The following SYNJ2 variants were observed in gnomAD, a reference collection of about 807,000 sequenced individuals.
The protein encoded by SYNJ2 is polyphosphatidylinositol phosphatase SYNJ2.
A neutral mutation model predicts 141.3 loss-of-function variants in SYNJ2; 116 were observed. The observed-to-expected ratio is 0.82, with a 90% CI of 0.71 to 0.96. The LOEUF is 0.96. SYNJ2 is among the 40% of genes least tolerant of loss of function. The pLI is 0.00. For synonymous variants in SYNJ2, 745 were observed against 777.7 expected, an observed-to-expected ratio of 0.96 and a Z score of 0.70; for missense variants, 1,873 against 1,934.8, an observed-to-expected ratio of 0.97 and a Z score of 0.60.
intron 1 of SYNJ2, among the ~76,000 whole-genome samples, chr6:158,007,494 A>G (rs893598195): frequency 1.3e-5 from 2 of 152,224 alleles, no homozygotes; most frequent in African/African-American, 2.4e-5. Flanking sequence ...GGCAATGAAC[A>G]TGGCATCATC....
rs141254303 is a variant in SYNJ2, at chr6:158,097,309, G to T, written c.*945G>T. ...AGCTTCGGGATGGAAAGTGCTATGT[G>T]TCCCTGCATATAAGAATCACCAGGC... On this transcript the variant is annotated 3_prime_UTR_variant, in exon 27 of 27. Transcript: ENST00000355585. The T allele has an allele frequency of 1.3e-5, 2 of 152,196 alleles. No homozygotes were observed. Among genetic ancestry groups the T allele is most frequent in the Non-Finnish European group, 2.9e-5 (2 of 68,046 alleles). 9.4% of individuals were successfully genotyped at this position (152,196 alleles called of 1,614,324 possible).
At chr6:158,059,525 G>A (rs987389784) in intron 7 of SYNJ2, 172 bp downstream of exon 7, 59 of 1,405,252 alleles carry the variant, frequency 4.2e-5, no homozygotes, top group Non-Finnish European at 4.8e-5. Context: ...TCAGTGACTC[G>A]GGCCCTGATA....
chr6:158,093,231 C>A, intron 26 of SYNJ2, 127 bp downstream of exon 26: 1 of 1,012,610 alleles, frequency 9.9e-7, no homozygotes, highest in Non-Finnish European at 1.4e-6. Context: ...GTCAGGAGTT[C>A]AAGACCAGCC....
At chr6:158,055,649 TA>T (rs1306401494) in intron 6 of SYNJ2, among the ~76,000 whole-genome samples, 1 of 152,218 alleles carries the variant, frequency 6.6e-6, no homozygotes, top group Non-Finnish European at 1.5e-5. Context: ...AAGATTTGCT[TA>T]TTTAATCTAA....
intron 21 of SYNJ2, 109 bp downstream of exon 21, chr6:158,083,706 G>C (rs1444685763): frequency 7.2e-7 from 1 of 1,398,366 alleles, no homozygotes; most frequent in East Asian, 2.3e-5. Context: ...GAGGACACCC[G>C]CAGGGCAAGC....
rs1486738661 is a variant in SYNJ2, at chr6:158,027,840, G to A, written c.215-916G>A. 1.3e-5 allele frequency: 2 copies of A among 152,348 alleles called. No individual in the cohort carries two copies. Among genetic ancestry groups the A allele is most frequent in the African/African-American group, 2.4e-5 (1 of 41,164 alleles). 9.4% of individuals were successfully genotyped at this position (152,348 alleles called of 1,614,324 possible). The stretch of plus-strand genomic sequence containing the variant: ...CCAAGTTGGCCCAGAAGGATGAGGA[G>A]GAGTTCTTCTGGTGAAGTGGGGAGG... On this transcript the variant is annotated intron_variant, in intron 2 of 26. Coordinates refer to ENST00000355585, the MANE Select transcript of SYNJ2 (RefSeq NM_003898.4). The surrounding 1 kb of genome is among the most constrained non-coding windows in gnomAD (Gnocchi z 4.6).
intron 25 of SYNJ2, among the ~76,000 whole-genome samples, chr6:158,090,542 G>GTTTTTTTTTTTTTTTTTTTTTTTTTT: frequency 8.8e-6 from 1 of 113,938 alleles, no homozygotes; most frequent in African/African-American, 3.3e-5. Context: ...TTTTTTTTTT[G>GTTTTTTTTTTTTTTTTTTTTTTTTTT]TTTTTTTTTT....
chr6:157,985,108 C>T (rs1312577287), intron 1 of SYNJ2, among the ~76,000 whole-genome samples: 2 of 152,222 alleles, frequency 1.3e-5, no homozygotes, highest in Middle Eastern at 3.2e-3. Context: ...AAGTACCTCT[C>T]GCCGAAGGGG....
intron 6 of SYNJ2, among the ~76,000 whole-genome samples, chr6:158,057,732 C>T (rs946518261): frequency 2.6e-5 from 4 of 152,238 alleles, no homozygotes; most frequent in Non-Finnish European, 4.4e-5. Context: ...TCCGATGAGC[C>T]ACATTGTGGG....
chr6:158,064,809 GT>G lies in SYNJ2; in HGVS notation c.1360-16del, dbSNP rs775062840. ...CCAGGGACCCCCCTCACGGCCTGCG[GT>G]CTGGGCTCTCGGCAGGTGGGGAAGC... On this transcript the variant is annotated splice_polypyrimidine_tract_variant and intron_variant, in intron 10 of 26. Transcript: ENST00000355585. 1.2e-6 allele frequency: 2 copies of G among 1,609,806 alleles called. No homozygotes were observed. The highest frequency in any genetic ancestry group is 2.2e-5 in the South Asian group (2 of 90,952).
At chr6:158,017,600 G>C in intron 2 of SYNJ2, 1 of 405,428 alleles carries the variant, frequency 2.5e-6, no homozygotes, top group Non-Finnish European at 4.8e-6. Flanking sequence ...ATTTTTAGTA[G>C]AGACGGGGTT....
intron 1 of SYNJ2, among the ~76,000 whole-genome samples, chr6:158,010,385 G>C (rs771728817): frequency 9.2e-5 from 14 of 152,248 alleles, no homozygotes; most frequent in Non-Finnish European, 1.8e-4. Flanking sequence ...TGGGAAGCCA[G>C]GCCTCTGGGA....
chr6:158,046,457 G>A (rs1780242554), intron 5 of SYNJ2, among the ~76,000 whole-genome samples: 1 of 152,170 alleles, frequency 6.6e-6, no homozygotes, highest in Non-Finnish European at 1.5e-5. Flanking sequence ...CAAGCCTAAG[G>A]CTGCTTCTAG....
chr6:158,061,907 G>T (rs947548328), intron 7 of SYNJ2, 85 bp from the exon 8 acceptor site: 5 of 1,397,974 alleles, frequency 3.6e-6, no homozygotes, highest in Admixed American at 3.9e-5. Flanking sequence ...TTGGTTAGCC[G>T]CACGGGTCAA....
At chr6:158,068,540 C>A in intron 12 of SYNJ2, 107 bp from the exon 13 acceptor site, 1 of 1,229,870 alleles carries the variant, frequency 8.1e-7, no homozygotes, top group Non-Finnish European at 1.2e-6. Context: ...GAGTTGGACT[C>A]AGGCAGTGGA....
intron 3 of SYNJ2, 31 bp from the exon 4 acceptor site, chr6:158,033,424 A>T: frequency 1.2e-6 from 2 of 1,603,228 alleles, no homozygotes; most frequent in Non-Finnish European, 1.7e-6. Flanking sequence ...ATGTCAAGTG[A>T]CTGGAATTGG....
At chr6:158,044,175 C>G (rs769248429) in intron 5 of SYNJ2, among the ~76,000 whole-genome samples, 1 of 152,194 alleles carries the variant, frequency 6.6e-6, no homozygotes, top group Non-Finnish European at 1.5e-5. Flanking sequence ...CGACAGCTCT[C>G]GTGTGACTGC....
intron 12 of SYNJ2, among the ~76,000 whole-genome samples, chr6:158,068,436 G>A (rs558967294): frequency 6.6e-6 from 1 of 152,346 alleles, no homozygotes; most frequent in East Asian, 1.9e-4. Context: ...CAGAATGGAC[G>A]GAGGGCCCCT....
Position 158,027,434 on chromosome 6 carries a change from A to AC in SYNJ2, c.215-1317dup, listed in dbSNP as rs900016671. The AC allele has an allele frequency of 6.4e-6, 1 of 156,458 alleles. No individual in the cohort carries two copies. Among genetic ancestry groups the AC allele is most frequent in the African/African-American group, 2.4e-5 (1 of 41,450 alleles). The allele number at this position is 156,458 out of a possible 1,614,324, so 9.7% of individuals were successfully genotyped here. ...AGAGTGAGGCACGGCGCCACCAGGC[A>AC]CCCCCGATACGCAGCGTGTTGTGAA... is the stretch of plus-strand genomic sequence containing the variant. On this transcript the variant is annotated intron_variant, in intron 2 of 26. Coordinates refer to ENST00000355585, the MANE Select transcript of SYNJ2 (RefSeq NM_003898.4). This position sits in a 1 kb window ranked among gnomAD's most constrained non-coding sequence, Gnocchi z 4.6.
Sources: gnomAD v4.1 joint callset for allele counts (sites outside exome capture counted in the v4.1 genomes callset) on GRCh38, gnomAD v4.1.1 for gene constraint, Gnocchi (gnomAD v3.1) non-coding constraint, MANE v1.5 for transcripts, NCBI Gene and HGNC (gene_info 2026-07-23, HGNC 2026-07-21) for gene names.